TAFA2: variants seen among roughly 807,000 people sequenced by gnomAD.
The protein encoded by TAFA2 is chemokine-like protein TAFA-2.
A neutral mutation model predicts 18.8 loss-of-function variants in TAFA2; 7 were observed. The ratio of observed to expected loss-of-function variants is 0.37; its 90% CI spans 0.21 to 0.70. The LOEUF (loss-of-function observed/expected upper bound fraction) is 0.70, where lower values mean the gene tolerates loss of function less well. Among genes scored for constraint, TAFA2 ranks in the 30% least tolerant of loss-of-function variants. The pLI is 0.53. For synonymous variants in TAFA2, 60 were observed against 54.2 expected, an observed-to-expected ratio of 1.11 and a Z score of -0.47; for missense variants, 122 against 158.1, an observed-to-expected ratio of 0.77 and a Z score of 1.23.
intron 1 of TAFA2, among the ~76,000 whole-genome samples, chr12:62,208,113 T>A (rs2062699693): frequency 6.6e-6 from 1 of 152,072 alleles, no homozygotes; most frequent in Non-Finnish European, 1.5e-5. Flanking sequence ...TTTTATCTAG[T>A]AGTTTGAGGT....
At chr12:61,939,958 AGTGTT>A (rs1183939955) in intron 1 of TAFA2, among the ~76,000 whole-genome samples, 1 of 152,204 alleles carries the variant, frequency 6.6e-6, no homozygotes, top group Non-Finnish European at 1.5e-5. Context: ...TAGATTTAAC[AGTGTT>A]GTCTTACTCA....
At chr12:62,061,334 C>A (rs943221326) in intron 1 of TAFA2, among the ~76,000 whole-genome samples, 4 of 152,142 alleles carry the variant, frequency 2.6e-5, no homozygotes, top group Non-Finnish European at 2.9e-5. Context: ...TTGTACTTAC[C>A]ATTATGTTAC....
intron 2 of TAFA2, among the ~76,000 whole-genome samples, chr12:61,839,595 C>T (rs979315969): frequency 6.6e-6 from 1 of 151,998 alleles, no homozygotes; most frequent in African/African-American, 2.4e-5. Context: ...AGGTCCTTTG[C>T]AGGAACAGGA....
intron 1 of TAFA2, chr12:61,879,459 G>C: frequency 1.5e-6 from 1 of 689,178 alleles, no homozygotes; most frequent in Non-Finnish European, 2.7e-6. Context: ...GCAGCTTCCA[G>C]GGTGGCCTGG....
chr12:61,907,205 C>A (rs942508118), intron 1 of TAFA2, among the ~76,000 whole-genome samples: 1 of 152,198 alleles, frequency 6.6e-6, no homozygotes, highest in Non-Finnish European at 1.5e-5. Flanking sequence ...CGGGACATGT[C>A]AGAGACATTC....
At chr12:62,075,138 A>G (rs1882729329) in intron 1 of TAFA2, among the ~76,000 whole-genome samples, 1 of 152,232 alleles carries the variant, frequency 6.6e-6, no homozygotes, top group African/African-American at 2.4e-5. Context: ...GAAATGAAAT[A>G]TTTGTATAAC....
chr12:61,912,091 GAACAACTCTGTAGTGTATTT>G (rs1463129033), intron 1 of TAFA2, among the ~76,000 whole-genome samples: 2 of 152,162 alleles, frequency 1.3e-5, no homozygotes, highest in Non-Finnish European at 2.9e-5. Flanking sequence ...TTAAACTTCA[GAACAACTCTGTAGTGTATTT>G]ATTAATTCCC....
intron 1 of TAFA2, among the ~76,000 whole-genome samples, chr12:61,969,151 T>C (rs1378181713): frequency 6.6e-6 from 1 of 151,760 alleles, no homozygotes; most frequent in Admixed American, 6.6e-5. Flanking sequence ...CTCTAGTGTT[T>C]CTAGCACAAT....
chr12:61,965,132 C>T (rs1269724166), intron 1 of TAFA2, among the ~76,000 whole-genome samples: 2 of 151,750 alleles, frequency 1.3e-5, no homozygotes, highest in Non-Finnish European at 2.9e-5. Context: ...AATCCTAATC[C>T]CCAAGGTAAT....
intron 1 of TAFA2, among the ~76,000 whole-genome samples, chr12:62,216,731 T>C (rs947666474): frequency 3.9e-5 from 6 of 152,206 alleles, no homozygotes; most frequent in African/African-American, 1.4e-4. Context: ...AACAGATAGG[T>C]GTATATGTTT....
intron 1 of TAFA2, among the ~76,000 whole-genome samples, chr12:62,183,405 A>G (rs1029530269): frequency 6.6e-6 from 1 of 152,124 alleles, no homozygotes; most frequent in Non-Finnish European, 1.5e-5. Flanking sequence ...TTGTTTTGAT[A>G]CAGGGTCTTG....
At chr12:61,748,246 G>A (rs535630116) in intron 4 of TAFA2, among the ~76,000 whole-genome samples, 1 of 152,220 alleles carries the variant, frequency 6.6e-6, no homozygotes, top group East Asian at 1.9e-4. Context: ...TGCATGTTGT[G>A]TGTGTAGTAG....
chr12:62,025,347 C>G (rs955057495), intron 1 of TAFA2, among the ~76,000 whole-genome samples: 4 of 152,020 alleles, frequency 2.6e-5, no homozygotes. Flanking sequence ...TACCCTAAAC[C>G]TTAGCATCAT....
chr12:62,175,112 A>G (rs1173544759), intron 1 of TAFA2, among the ~76,000 whole-genome samples: 1 of 152,014 alleles, frequency 6.6e-6, no homozygotes, highest in Non-Finnish European at 1.5e-5. Context: ...TTCCCTGTGG[A>G]TTTTTTTTCT....
intron 1 of TAFA2, among the ~76,000 whole-genome samples, chr12:62,198,605 A>G (rs1000729986): frequency 1.3e-5 from 2 of 151,136 alleles, no homozygotes; most frequent in African/African-American, 4.9e-5. Context: ...GTCTCCTCTT[A>G]TTTTATTTGA....
chr12:61,848,507 T>C (rs572562628), intron 2 of TAFA2, among the ~76,000 whole-genome samples: 1 of 152,328 alleles, frequency 6.6e-6, no homozygotes, highest in South Asian at 2.1e-4. Flanking sequence ...TACATTATTA[T>C]TGCAGTTTAA....
intron 1 of TAFA2, among the ~76,000 whole-genome samples, chr12:62,127,498 A>T (rs1870512424): frequency 6.6e-6 from 1 of 152,064 alleles, no homozygotes; most frequent in Non-Finnish European, 1.5e-5. Flanking sequence ...TTGTGACAAA[A>T]TCCATTATAA....
At chr12:62,106,209 C>A (rs1360622466) in intron 1 of TAFA2, among the ~76,000 whole-genome samples, 1 of 152,020 alleles carries the variant, frequency 6.6e-6, no homozygotes, top group Non-Finnish European at 1.5e-5. Flanking sequence ...TGGTGGGCGC[C>A]TGTAATCCCA....
At chr12:62,079,888 G>C (rs1161438845) in intron 1 of TAFA2, among the ~76,000 whole-genome samples, 1 of 152,048 alleles carries the variant, frequency 6.6e-6, no homozygotes, top group African/African-American at 2.4e-5. Context: ...CGCAAATTAC[G>C]ACAAACTTGA....
Sources: gnomAD v4.1 joint callset for allele counts (sites outside exome capture counted in the v4.1 genomes callset) on GRCh38, gnomAD v4.1.1 for gene constraint, MANE v1.5 for transcripts, NCBI Gene and HGNC (gene_info 2026-07-23, HGNC 2026-07-21) for gene names.